AIG1: variants seen among roughly 807,000 people sequenced by gnomAD.
The protein encoded by AIG1 is androgen induced 1.
In AIG1, 23 loss-of-function variants were observed where a neutral mutation model predicts 31.4. That is an observed-to-expected ratio of 0.73 (90% confidence interval 0.53 to 1.04). The LOEUF is 1.04. AIG1 is among the 50% of genes least tolerant of loss of function. The pLI, the probability that AIG1 is intolerant of heterozygous loss-of-function variation, is 0.00. For missense variants in AIG1, 274 were observed against 295.0 expected (o/e 0.93, Z 0.52); for synonymous variants, 100 against 110.5 (o/e 0.90, Z 0.60).
chr6:143,229,454 G>A (rs9376732), intron 3 of AIG1, among the ~76,000 whole-genome samples: 7 of 152,284 alleles, frequency 4.6e-5, no homozygotes, highest in African/African-American at 1.7e-4. Context: ...GGTGCAGCTT[G>A]TTGGGAAAAG....
intron 3 of AIG1, among the ~76,000 whole-genome samples, chr6:143,223,978 A>G (rs1792736904): frequency 6.6e-6 from 1 of 152,146 alleles, no homozygotes; most frequent in Non-Finnish European, 1.5e-5. Context: ...GATAGCCCTC[A>G]TAAGACCTCC....
At chr6:143,342,338 G>C (rs1433248461), downstream of AIG1, 2 of 668,046 alleles carry the variant, frequency 3.0e-6, no homozygotes, top group African/African-American at 1.8e-5. Flanking sequence ...AGCTCACTGC[G>C]GTTCTAGCCC....
intron 3 of AIG1, among the ~76,000 whole-genome samples, chr6:143,276,878 A>T (rs1796959078): frequency 6.6e-6 from 1 of 152,138 alleles, no homozygotes; most frequent in South Asian, 2.1e-4. Context: ...GCTACTTCGG[A>T]TGTCATTTCT....
chr6:143,222,356 G>A (rs1444583363), intron 3 of AIG1, among the ~76,000 whole-genome samples: 5 of 151,916 alleles, frequency 3.3e-5, no homozygotes, highest in South Asian at 2.1e-4. Context: ...TATCGGGAAC[G>A]GCAGTGTGAA....
intron 3 of AIG1, among the ~76,000 whole-genome samples, chr6:143,277,892 CTG>C (rs1797056816): frequency 6.6e-6 from 1 of 152,204 alleles, no homozygotes; most frequent in Non-Finnish European, 1.5e-5. Context: ...GTTGTACACT[CTG>C]ATTATAACTC....
At chr6:143,322,821 T>G (rs976872056) in intron 4 of AIG1, among the ~76,000 whole-genome samples, 1 of 152,204 alleles carries the variant, frequency 6.6e-6, no homozygotes, top group Non-Finnish European at 1.5e-5. Context: ...CATTCACAAT[T>G]TGCCTCTTTC....
intron 1 of AIG1, among the ~76,000 whole-genome samples, chr6:143,070,520 T>C (rs1161365586): frequency 2.0e-5 from 3 of 152,178 alleles, no homozygotes; most frequent in Non-Finnish European, 4.4e-5. Context: ...GACTGGGTAA[T>C]TTATAAAGAA....
chr6:143,092,134 T>C (rs1044770800), intron 1 of AIG1, among the ~76,000 whole-genome samples: 2 of 152,148 alleles, frequency 1.3e-5, no homozygotes, highest in Non-Finnish European at 2.9e-5. Flanking sequence ...AGATAGGATA[T>C]ATCTCTCTCA....
intron 1 of AIG1, among the ~76,000 whole-genome samples, chr6:143,096,651 C>G (rs971657673): frequency 1.3e-5 from 2 of 152,034 alleles, no homozygotes; most frequent in Non-Finnish European, 2.9e-5. Flanking sequence ...GTGGGAATTC[C>G]CCTGAGATTT....
chr6:143,326,048 A>T lies in AIG1; in HGVS notation c.516-7234A>T, dbSNP rs1776582833. On this transcript the variant is annotated intron_variant, in intron 4 of 5. Coordinates refer to ENST00000357847, the MANE Select transcript of AIG1 (RefSeq NM_016108.4). The surrounding 1 kb of genome is among the most constrained non-coding windows in gnomAD (Gnocchi z 4.5). The stretch of plus-strand genomic sequence containing the variant: ...CTCATGACTCAACAGTTTGATAGAC[A>T]CTGGTCTAAGTGTTCTTAAATCTTT... 6.6e-6 allele frequency among the ~76,000 whole-genome samples: 1 copy of T among 152,196 alleles called. No homozygotes were observed. The highest frequency in any genetic ancestry group is 2.4e-5 in the African/African-American group (1 of 41,450).
At chr6:143,096,842 T>C (rs1264033834) in intron 1 of AIG1, among the ~76,000 whole-genome samples, 1 of 152,238 alleles carries the variant, frequency 6.6e-6, no homozygotes, top group East Asian at 1.9e-4. Context: ...TTAATAGGAC[T>C]GTGTCATTGA....
chr6:143,182,500 C>T (rs2128587053), intron 3 of AIG1, among the ~76,000 whole-genome samples: 1 of 152,210 alleles, frequency 6.6e-6, no homozygotes, highest in Non-Finnish European at 1.5e-5. Context: ...TTGCTTAGTT[C>T]ACTTCTCTAC....
In AIG1 at chr6:143,284,261, T is replaced by C. The variant is rs113787178; in HGVS notation, c.515+36T>C. The C allele has an allele frequency of 1.1e-5, 16 of 1,497,584 alleles. No homozygotes were observed. The highest frequency in any genetic ancestry group is 6.9e-5 in the Admixed American group (4 of 57,578). 92.8% of individuals were successfully genotyped at this position (1,497,584 alleles called of 1,614,324 possible). ...TGCCTGCTGGGCTTTCTTATTGTAT[T>C]AGATTTTGCACTGCTAAATTTGGGC... On this transcript the variant is annotated intron_variant, in intron 4 of 5. Transcript: ENST00000357847. This position sits in a 1 kb window ranked among gnomAD's most constrained non-coding sequence, Gnocchi z 4.4.
intron 2 of AIG1, among the ~76,000 whole-genome samples, chr6:143,141,545 G>C (rs1784246341): frequency 6.6e-6 from 1 of 152,302 alleles, no homozygotes; most frequent in South Asian, 2.1e-4. Context: ...GATGAACATG[G>C]CATGTATCAT....
At chr6:143,260,924 T>C (rs1367105514) in intron 3 of AIG1, among the ~76,000 whole-genome samples, 1 of 152,164 alleles carries the variant, frequency 6.6e-6, no homozygotes, top group Middle Eastern at 3.2e-3. Context: ...CGCCATCCCT[T>C]TGCTCATTAA....
chr6:143,258,826 T>G lies in AIG1; in HGVS notation c.400-25284T>G, dbSNP rs575642404. On this transcript the variant is annotated intron_variant, in intron 3 of 5. Coordinates refer to ENST00000357847, the MANE Select transcript of AIG1 (RefSeq NM_016108.4). This position sits in a 1 kb window ranked among gnomAD's most constrained non-coding sequence, Gnocchi z 4.7. ...TGTGGTCTAATGGGAGGTGTTTGGG[T>G]TATGGGGATGGACCCTCATGAATAG... 6.6e-6 allele frequency among the ~76,000 whole-genome samples: 1 copy of G among 152,298 alleles called. No homozygotes were observed. The highest frequency in any genetic ancestry group is 1.9e-4 in the East Asian group (1 of 5,194).
intron 4 of AIG1, among the ~76,000 whole-genome samples, chr6:143,300,008 A>C (rs1431221884): frequency 6.6e-6 from 1 of 152,206 alleles, no homozygotes; most frequent in Non-Finnish European, 1.5e-5. Flanking sequence ...ACCGGGCTAG[A>C]ATCTTATGGG....
intron 3 of AIG1, among the ~76,000 whole-genome samples, chr6:143,210,638 A>T (rs1791509819): frequency 6.6e-6 from 1 of 152,194 alleles, no homozygotes; most frequent in Non-Finnish European, 1.5e-5. Flanking sequence ...CAGGAAGGAG[A>T]CTAGTGGGGT....
chr6:143,168,840 G>A lies in AIG1; in HGVS notation c.399+3657G>A, dbSNP rs1351452496. 2.0e-5 allele frequency among the ~76,000 whole-genome samples: 3 copies of A among 152,024 alleles called. No homozygotes were observed. The East Asian group carries it at 5.8e-4, about 29-fold the overall frequency. ...AATTCTCACATGTATTTTAATGTAT[G>A]TATTTTATTGAAAATTCAAATTGCA... is the stretch of plus-strand genomic sequence containing the variant. On this transcript the variant is annotated intron_variant, in intron 3 of 5. Transcript: ENST00000357847.
Sources: gnomAD v4.1 joint callset for allele counts (sites outside exome capture counted in the v4.1 genomes callset) on GRCh38, gnomAD v4.1.1 for gene constraint, Gnocchi (gnomAD v3.1) non-coding constraint, MANE v1.5 for transcripts, NCBI Gene and HGNC (gene_info 2026-07-23, HGNC 2026-07-21) for gene names.